Variants in MED1 observed in about 807,000 individuals in gnomAD.
MED1 encodes mediator of RNA polymerase II transcription subunit 1.
In MED1, 17 loss-of-function variants were observed where a neutral mutation model predicts 121.3. The observed-to-expected ratio is 0.14, with a 90% CI of 0.10 to 0.21. The LOEUF is 0.21. Ranked by LOEUF, MED1 falls within the 10% of genes least tolerant of loss-of-function variation. The pLI, the probability that MED1 is intolerant of heterozygous loss-of-function variation, is 1.00. For synonymous variants in MED1, 661 were observed against 694.4 expected, an observed-to-expected ratio of 0.95 and a Z score of 0.76; for missense variants, 1,558 against 1,919.4, an observed-to-expected ratio of 0.81 and a Z score of 3.52.
intron 6 of MED1, among the ~76,000 whole-genome samples, chr17:39,438,847 G>A (rs1029962582): frequency 1.3e-5 from 2 of 152,192 alleles, no homozygotes; most frequent in African/African-American, 4.8e-5. Context: ...CGCTCTGGAG[G>A]CTGAGGCAGG....
At chr17:39,433,660 C>T (rs780878536) in intron 7 of MED1, among the ~76,000 whole-genome samples, 2 of 151,726 alleles carry the variant, frequency 1.3e-5, no homozygotes, top group Admixed American at 6.6e-5. Context: ...TTGAAGTGAT[C>T]GTCCCACCTT....
chr17:39,421,671 G>A (rs531274627), intron 13 of MED1, among the ~76,000 whole-genome samples: 2 of 152,198 alleles, frequency 1.3e-5, no homozygotes, highest in South Asian at 4.2e-4. Context: ...TTACAGGTGT[G>A]AGTCACTGTG....
In MED1 at chr17:39,410,244, G is replaced by A; in HGVS notation, c.1977C>T (p.Thr659=). 1 of 1,613,932 alleles carries A rather than the reference G, an allele frequency of 6.2e-7. No homozygotes were observed. Among genetic ancestry groups the A allele is most frequent in the Non-Finnish European group, 8.5e-7 (1 of 1,180,002 alleles). ...LKDNPAQDFS[T]LYGSSPLERQ... ...TTTCTAAAGGGCTGCTTCCATAAAG[G>A]GTTGAGAAATCCTGGGCAGGATTAT... The change falls in exon 17 of 17, where the codon ACC becomes ACT. Residue 659 remains threonine (T), a synonymous_variant. Transcript: ENST00000300651.
intron 6 of MED1, among the ~76,000 whole-genome samples, chr17:39,435,158 A>G (rs1016362616): frequency 1.3e-5 from 2 of 152,124 alleles, no homozygotes; most frequent in African/African-American, 4.8e-5. Context: ...ACAGAGCAAG[A>G]CTGTGTGTCA....
chr17:39,431,826 G>A, intron 8 of MED1, 116 bp downstream of exon 8: 1 of 636,156 alleles, frequency 1.6e-6, no homozygotes, highest in Non-Finnish European at 2.7e-6. Flanking sequence ...TCATCATTTT[G>A]GAAGAGAAAG....
chr17:39,442,655 C>T (rs2048689665), intron 3 of MED1, among the ~76,000 whole-genome samples: 1 of 149,782 alleles, frequency 6.7e-6, no homozygotes, highest in Non-Finnish European at 1.5e-5. Flanking sequence ...GCCTGTGATC[C>T]CAGAACTTTG....
chr17:39,427,938 C>G (rs1371897582), intron 9 of MED1, 148 bp from the exon 10 acceptor site: 1 of 562,922 alleles, frequency 1.8e-6, no homozygotes, highest in African/African-American at 1.9e-5. Context: ...TGAAATATGG[C>G]AGGTGTGGTG....
rs1386416943 is a variant in MED1 at position 39,407,564 on chromosome 17, A to G, written c.4657T>C (p.Ser1553Pro). ...CTGAGCCTTGAGGGTCTGTCTGCAG[A>G]TAAGATTGTGTTACTTGTCATAGAC... ...SLSMTSNTIL[S>P]ADRPSRLSPD... The change falls in exon 17 of 17, where the codon TCT becomes CCT. Residue 1553 changes from serine to proline, a missense_variant. Ser to Pro is a moderately conservative substitution (Grantham distance 74, BLOSUM62 -1). This residue lies in a region of MED1 where 264 missense variants were observed against 326.1 expected (regional missense o/e 0.81). Coordinates refer to ENST00000300651, the MANE Select transcript of MED1 (RefSeq NM_004774.4). The G allele has an allele frequency of 4.3e-6, 7 of 1,613,980 alleles. No homozygotes were observed. The highest frequency in any genetic ancestry group is 3.3e-5 in the South Asian group (3 of 91,090).
Position 39,405,880 on chromosome 17 carries a change from T to G in MED1, c.*1595A>C. Reference sequence around the variant, plus strand: ...TCCATATATGATGAAGTCACTCCACTTACGACATAACACACAAAGGAATCA... The same window carrying G: ...TCCATATATGATGAAGTCACTCCACGTACGACATAACACACAAAGGAATCA... On this transcript the variant is annotated 3_prime_UTR_variant, in exon 17 of 17. Transcript: ENST00000300651. The G allele has an allele frequency of 1.0e-6, 1 of 985,306 alleles. No individual in the cohort carries two copies. Among genetic ancestry groups the G allele is most frequent in the Non-Finnish European group, 1.2e-6 (1 of 830,166 alleles). 61.0% of individuals were successfully genotyped at this position (985,306 alleles called of 1,614,324 possible). A position where few individuals can be genotyped will look rare whatever the true frequency, so the allele number is the denominator to read the frequency against.
chr17:39,436,668 CA>C (rs1321665219), intron 6 of MED1, among the ~76,000 whole-genome samples: 3 of 152,112 alleles, frequency 2.0e-5, no homozygotes, highest in Non-Finnish European at 4.4e-5. Context: ...CAATTTTTCC[CA>C]AAATCAAAGC....
In MED1 at chr17:39,408,772, C is replaced by G. The variant is rs757412114; in HGVS notation, c.3449G>C (p.Gly1150Ala). Reference protein sequence around the residue: ...SSQSKNSSQSGGKPGSSPITK... With the variant: ...SSQSKNSSQSAGKPGSSPITK... The stretch of plus-strand genomic sequence containing the variant: ...TATGGGAGAGGAGCCTGGCTTCCCC[C>G]CAGACTGGGATGAATTTTTGGACTG... The change falls in exon 17 of 17, where the codon GGG becomes GCG. Residue 1150 changes from glycine to alanine, a missense_variant. Around this residue, in one of 5 missense-constraint regions of MED1, gnomAD observed 793 missense variants for 898.2 expected, o/e 0.88. Transcript: ENST00000300651. This position sits in a 1 kb window ranked among gnomAD's most constrained non-coding sequence, Gnocchi z 4.7. The G allele has an allele frequency of 4.3e-6, 7 of 1,614,002 alleles. No individual in the cohort carries two copies. Among genetic ancestry groups the G allele is most frequent in the South Asian group, 1.1e-5 (1 of 91,080 alleles).
intron 6 of MED1, among the ~76,000 whole-genome samples, chr17:39,436,093 T>C (rs1288487901): frequency 6.6e-6 from 1 of 151,286 alleles, no homozygotes; most frequent in Non-Finnish European, 1.5e-5. Context: ...CCGGGTGCGG[T>C]GGCTCACACC....
Position 39,408,772 on chromosome 17 carries a change from C to A in MED1, c.3449G>T (p.Gly1150Val), listed in dbSNP as rs757412114. The A allele has an allele frequency of 1.2e-6, 2 of 1,614,120 alleles. No homozygotes were observed. The highest frequency in any genetic ancestry group is 1.7e-6 in the Non-Finnish European group (2 of 1,180,002). The stretch of plus-strand genomic sequence containing the variant: ...TATGGGAGAGGAGCCTGGCTTCCCC[C>A]CAGACTGGGATGAATTTTTGGACTG... ...SSQSKNSSQS[G>V]GKPGSSPITK... is the part of the protein sequence containing the mutation. The change falls in exon 17 of 17, where the codon GGG (glycine) becomes GTG (valine). Residue 1150 changes from glycine to valine, a missense_variant. By Grantham distance (109) the Gly-to-Val change is moderately radical. Coordinates refer to ENST00000300651, the MANE Select transcript of MED1 (RefSeq NM_004774.4). The surrounding 1 kb of genome is among the most constrained non-coding windows in gnomAD (Gnocchi z 4.7).
chr17:39,414,583 C>A (rs1186716904), intron 16 of MED1, among the ~76,000 whole-genome samples: 1 of 148,192 alleles, frequency 6.7e-6, no homozygotes, highest in Non-Finnish European at 1.5e-5. Context: ...GATCCACCCG[C>A]CTTCACCTCC....
At position 39,407,627 on chromosome 17, in the gene MED1, T is replaced by C. The variant is rs2048314993; in HGVS notation, c.4594A>G (p.Ser1532Gly). The C allele has an allele frequency of 2.5e-6, 4 of 1,614,130 alleles. No homozygotes were observed. Among genetic ancestry groups the C allele is most frequent in the South Asian group, 1.1e-5 (1 of 91,068 alleles). ...GAAGAGATGGGTGATTTGGACCAAC[T>C]CTCTGGCTTGATGCTATGAGATTTT... ...KKKSHSIKPE[S>G]WSKSPISSDQ... The change falls in exon 17 of 17, where the codon AGT (serine) becomes GGT (glycine). Residue 1532 changes from serine to glycine, a missense_variant. This residue lies in a region of MED1 where 264 missense variants were observed against 326.1 expected (regional missense o/e 0.81). Coordinates refer to ENST00000300651, the MANE Select transcript of MED1 (RefSeq NM_004774.4).
chr17:39,420,791 A>T (rs377603806), intron 13 of MED1, among the ~76,000 whole-genome samples: 56 of 109,874 alleles, frequency 5.1e-4, no homozygotes, highest in Admixed American at 6.6e-4. Flanking sequence ...ACATGTGCCT[A>T]TTTTTTTTTT....
rs2048563614 is a variant in MED1 at position 39,431,325 on chromosome 17, T to A, written c.576-137A>T. On this transcript the variant is annotated intron_variant, in intron 8 of 16. Transcript: ENST00000300651. Reference sequence around the variant, plus strand: ...GGAGTTTCGCTCTTGTCGCCCAGGCTGAAGTGCAGTGGTACAATCTCAGCT... The same window carrying A: ...GGAGTTTCGCTCTTGTCGCCCAGGCAGAAGTGCAGTGGTACAATCTCAGCT... The A allele has an allele frequency of 2.3e-5, 15 of 639,460 alleles. No homozygotes were observed. The South Asian group carries it at 2.5e-4, about 10-fold the overall frequency. 39.6% of individuals were successfully genotyped at this position (639,460 alleles called of 1,614,324 possible).
intron 10 of MED1, among the ~76,000 whole-genome samples, chr17:39,426,265 A>G (rs992543503): frequency 6.6e-6 from 1 of 152,042 alleles, no homozygotes; most frequent in African/African-American, 2.4e-5. Flanking sequence ...TGGCCAACAT[A>G]GTGAAACCCC....
rs746450376 is a variant in MED1, at chr17:39,405,229, GC to G, written c.*2245del. On this transcript the variant is annotated 3_prime_UTR_variant, in exon 17 of 17. Transcript: ENST00000300651. Reference sequence around the variant, plus strand: ...GGCTCCCTGTTAAGCAAGTTCAGATGCTGGGTCAGTGTGGGGGTGAGCCCAT... The same window carrying G: ...GGCTCCCTGTTAAGCAAGTTCAGATGTGGGTCAGTGTGGGGGTGAGCCCAT... The G allele has an allele frequency of 5.7e-6, 9 of 1,585,906 alleles. No individual in the cohort carries two copies. The highest frequency in any genetic ancestry group is 7.7e-6 in the Non-Finnish European group (9 of 1,165,928).
Sources: allele counts gnomAD v4.1 joint callset (sites outside exome capture counted in the v4.1 genomes callset), GRCh38; gene constraint gnomAD v4.1.1; regional missense constraint gnomAD v4.1.1; non-coding constraint Gnocchi (gnomAD v3.1); transcripts MANE v1.5; gene names NCBI Gene and HGNC (gene_info 2026-07-23, HGNC 2026-07-21).